NTM: variants seen among roughly 807,000 people sequenced by gnomAD.
NTM encodes the protein neurotrimin.
In NTM, 13 loss-of-function variants were observed where a neutral mutation model predicts 42.1. That is an observed-to-expected ratio of 0.31 (90% CI 0.20 to 0.49). The LOEUF (loss-of-function observed/expected upper bound fraction) is 0.49. Ranked by LOEUF, NTM falls within the 20% of genes least tolerant of loss-of-function variation. NTM has a pLI of 0.99. For missense variants in NTM, 373 were observed against 452.8 expected (o/e 0.82, Z 1.60); for synonymous variants, 187 against 179.2 (o/e 1.04, Z -0.35).
At position 131,432,221 on chromosome 11, in the gene NTM, G is replaced by A. The variant is rs568903711; in HGVS notation, c.82+61333G>A. ...GAAGATGGTTCTTGAGAAGGGGTTGGAGGTAGGCAAGCTCATTTGTTCTTT... is the reference window on the plus strand; with the variant it reads ...GAAGATGGTTCTTGAGAAGGGGTTGAAGGTAGGCAAGCTCATTTGTTCTTT... On this transcript the variant is annotated intron_variant, in intron 1 of 8. Coordinates refer to ENST00000683400, the MANE Select transcript of NTM (RefSeq NM_001352005.2). 5.9e-5 allele frequency among the ~76,000 whole-genome samples: 9 copies of A among 152,284 alleles called. No individual in the cohort carries two copies. In the South Asian group the frequency reaches 1.9e-3, roughly 32 times the overall value.
chr11:132,071,346 C>G (rs1216321171), intron 2 of NTM, among the ~76,000 whole-genome samples: 10 of 146,170 alleles, frequency 6.8e-5, no homozygotes, highest in Admixed American at 2.0e-4. Flanking sequence ...TAACACGTCA[C>G]TCAGCCAAGT....
At chr11:131,959,785 ATGAAGC>A (rs1261702119) in intron 2 of NTM, among the ~76,000 whole-genome samples, 3 of 152,224 alleles carry the variant, frequency 2.0e-5, no homozygotes, top group African/African-American at 7.2e-5. Context: ...GTGCAGCAGG[ATGAAGC>A]TGTTCTACAG....
At chr11:131,710,516 C>T (rs567063890) in intron 1 of NTM, among the ~76,000 whole-genome samples, 6 of 152,182 alleles carry the variant, frequency 3.9e-5, no homozygotes, top group South Asian at 2.1e-4. Context: ...TTATTGGTTT[C>T]GATTCAGGTA....
intron 2 of NTM, among the ~76,000 whole-genome samples, chr11:131,984,982 T>C (rs2065843208): frequency 6.6e-6 from 1 of 152,156 alleles, no homozygotes; most frequent in African/African-American, 2.4e-5. Flanking sequence ...CTTTGCTGCT[T>C]AGAACCATTT....
intron 2 of NTM, among the ~76,000 whole-genome samples, chr11:132,028,907 C>A (rs1431438826): frequency 1.3e-5 from 2 of 152,124 alleles, no homozygotes; most frequent in African/African-American, 4.8e-5. Flanking sequence ...TCCTAGGGCT[C>A]CTATTGAAGT....
At chr11:131,600,895 A>G (rs2060426892) in intron 1 of NTM, among the ~76,000 whole-genome samples, 1 of 152,138 alleles carries the variant, frequency 6.6e-6, no homozygotes, top group South Asian at 2.1e-4. Flanking sequence ...GTCTAATGAG[A>G]AACAGTTCCT....
At chr11:131,472,545 C>T (rs1033805492) in intron 1 of NTM, among the ~76,000 whole-genome samples, 5 of 151,824 alleles carry the variant, frequency 3.3e-5, no homozygotes, top group Non-Finnish European at 5.9e-5. Context: ...GGGGAAAGAG[C>T]GTTAGAAAGT....
chr11:131,738,061 G>A (rs545779602), intron 1 of NTM, among the ~76,000 whole-genome samples: 5 of 152,232 alleles, frequency 3.3e-5, no homozygotes, highest in South Asian at 2.1e-4. Flanking sequence ...TTCCCTCTCC[G>A]ATGTCCCTGA....
chr11:131,936,866 C>T (rs1017254337), intron 2 of NTM, among the ~76,000 whole-genome samples: 8 of 152,166 alleles, frequency 5.3e-5, no homozygotes, highest in Non-Finnish European at 2.9e-5. Context: ...ATGTGCATCT[C>T]ATAACAACTC....
At chr11:131,968,199 C>CA in intron 2 of NTM, among the ~76,000 whole-genome samples, 1 of 152,134 alleles carries the variant, frequency 6.6e-6, no homozygotes, top group African/African-American at 2.4e-5. Flanking sequence ...AAATAAAAAA[C>CA]AAAAAACTAA....
chr11:132,112,718 T>TACACACACACACACACAC (rs61630313), intron 2 of NTM, among the ~76,000 whole-genome samples: 5 of 142,072 alleles, frequency 3.5e-5, no homozygotes, highest in African/African-American at 1.3e-4. Flanking sequence ...ACTGCACACT[T>TACACACACACACACACAC]ACACACACAC....
intron 2 of NTM, among the ~76,000 whole-genome samples, chr11:131,924,627 C>T (rs2057701061): frequency 6.8e-6 from 1 of 147,222 alleles, no homozygotes; most frequent in East Asian, 1.9e-4. Context: ...ATGTTGATGT[C>T]CAAAATTACC....
intron 1 of NTM, among the ~76,000 whole-genome samples, chr11:131,588,409 T>C (rs766006235): frequency 6.6e-6 from 1 of 152,258 alleles, no homozygotes; most frequent in Non-Finnish European, 1.5e-5. Flanking sequence ...ATCCTTTCTC[T>C]TGACCACTAC....
intron 1 of NTM, among the ~76,000 whole-genome samples, chr11:131,865,428 C>T (rs998994350): frequency 2.6e-5 from 4 of 152,214 alleles, no homozygotes; most frequent in African/African-American, 9.7e-5. Context: ...TGGTTACCAC[C>T]GGAGCTATTC....
intron 2 of NTM, among the ~76,000 whole-genome samples, chr11:131,976,679 C>T (rs569248963): frequency 2.0e-5 from 3 of 152,214 alleles, no homozygotes; most frequent in Non-Finnish European, 4.4e-5. Flanking sequence ...CCAGGATGCT[C>T]TCTGGAGTTC....
In NTM at chr11:132,006,967, G is replaced by T. The variant is rs115795178; in HGVS notation, c.167+95319G>T. ...ACAAATGACGTGTGTCACCCTGTGGGTGGGCTAAACATTTTACTTCCAGTG... is the reference window on the plus strand; with the variant it reads ...ACAAATGACGTGTGTCACCCTGTGGTTGGGCTAAACATTTTACTTCCAGTG... On this transcript the variant is annotated intron_variant, in intron 2 of 8. Coordinates refer to ENST00000683400, the MANE Select transcript of NTM (RefSeq NM_001352005.2). 7.0e-3 allele frequency among the ~76,000 whole-genome samples: 1,069 copies of T among 152,304 alleles called. 23 individuals carry two copies. Among genetic ancestry groups the T allele is most frequent in the African/African-American group, 0.025 (1,030 of 41,560 alleles).
At chr11:131,889,278 T>C (rs564984686) in intron 1 of NTM, among the ~76,000 whole-genome samples, 44 of 152,284 alleles carry the variant, frequency 2.9e-4, no homozygotes, top group Middle Eastern at 3.4e-3. Context: ...GCCAGGCAGA[T>C]TCCACTTCAG....
intron 1 of NTM, among the ~76,000 whole-genome samples, chr11:131,867,595 CATACCTGTGTGTGTATGT>C (rs1353887725): frequency 4.6e-5 from 7 of 151,436 alleles, no homozygotes; most frequent in Admixed American, 1.3e-4. Context: ...TGTGTGTACA[CATACCTGTGTGTGTATGT>C]ATGCATGTGT....
chr11:132,314,425 A>AAATAATGGTTAT, intron 6 of NTM, 127 bp from the exon 7 acceptor site: 1 of 1,042,188 alleles, frequency 9.6e-7, no homozygotes, highest in Non-Finnish European at 1.4e-6. Context: ...TGAGTGGATC[A>AAATAATGGTTAT]AATAATGGTT....
Sources: gnomAD v4.1 joint callset for allele counts (sites outside exome capture counted in the v4.1 genomes callset) on GRCh38, gnomAD v4.1.1 for gene constraint, MANE v1.5 for transcripts, NCBI Gene and HGNC (gene_info 2026-07-23, HGNC 2026-07-21) for gene names.